OR51A7: variants seen among roughly 807,000 people sequenced by gnomAD.
OR51A7 encodes olfactory receptor family 51 subfamily A member 7.
For synonymous variants in OR51A7, 143 were observed against 135.5 expected (o/e 1.05, Z -0.38); for missense variants, 409 against 374.5 (o/e 1.09, Z -0.76).
In OR51A7 at chr11:4,907,734, G is replaced by T. The variant is rs770538147; in HGVS notation, c.365G>T (p.Arg122Leu). 19 of 1,613,828 alleles carry T rather than the reference G, an allele frequency of 1.2e-5. 1 individual carries two copies. Among genetic ancestry groups the T allele is most frequent in the Middle Eastern group, 1.6e-4 (1 of 6,062 alleles). ...GTACTTCTAATTATGTCTTTGGACC[G>T]CTTTCTTGCCATTCACAATCCCTTA... is the stretch of plus-strand genomic sequence containing the variant. ...SSVLLIMSLD[R>L]FLAIHNPLRY... Residue 122 changes from arginine (R) to leucine (L), a missense_variant, in exon 2 of 2, where the codon CGC becomes CTC. By Grantham distance (102) the Arg-to-Leu change is moderately radical. Transcript: ENST00000641490.
At chr11:4,907,115 A>AAAG (rs1554890101) in intron 1 of OR51A7, among the ~76,000 whole-genome samples, 3 of 144,816 alleles carry the variant, frequency 2.1e-5, no homozygotes, top group African/African-American at 7.7e-5. Flanking sequence ...AAAAAAAAAA[A>AAAG]TCCTAAAAAT....
chr11:4,906,073 A>G (rs1850883604), intron 1 of OR51A7, among the ~76,000 whole-genome samples: 3 of 152,214 alleles, frequency 2.0e-5, no homozygotes, highest in Non-Finnish European at 4.4e-5. Context: ...CATGAACACA[A>G]TACTACTGTA....
Position 4,907,948 on chromosome 11 carries a change from G to A in OR51A7, c.579G>A (p.Lys193=). ...DTMKLACSDN[K]TNVIYGFFIA... ...TGAAGCTGGCCTGCTCTGACAACAA[G>A]ACCAATGTCATCTATGGCTTCTTCA... Residue 193 remains lysine (K), a synonymous_variant, in exon 2 of 2, where the codon AAG becomes AAA. Transcript: ENST00000641490. The A allele has an allele frequency of 6.2e-7, 1 of 1,614,106 alleles. No homozygotes were observed. Among genetic ancestry groups the A allele is most frequent in the Non-Finnish European group, 8.5e-7 (1 of 1,180,002 alleles).
intron 1 of OR51A7, among the ~76,000 whole-genome samples, chr11:4,905,453 C>T (rs1368661494): frequency 1.3e-5 from 2 of 152,116 alleles, no homozygotes; most frequent in Non-Finnish European, 2.9e-5. Flanking sequence ...TCACAAAATA[C>T]AGTATGAATT....
chr11:4,906,478 T>C (rs1007825917), intron 1 of OR51A7, among the ~76,000 whole-genome samples: 35 of 152,264 alleles, frequency 2.3e-4, no homozygotes, highest in African/African-American at 7.5e-4. Context: ...TAACACTTGA[T>C]GTAACATGTA....
intron 1 of OR51A7, among the ~76,000 whole-genome samples, chr11:4,904,703 G>A (rs10500632): frequency 0.084 from 12,822 of 151,988 alleles, 673 homozygotes; most frequent in Non-Finnish European, 0.12. Flanking sequence ...TGACTTTACC[G>A]CTTAAAATAT....
intron 1 of OR51A7, among the ~76,000 whole-genome samples, chr11:4,906,114 G>A (rs1289699836): frequency 6.6e-6 from 1 of 152,130 alleles, no homozygotes; most frequent in Non-Finnish European, 1.5e-5. Flanking sequence ...AAATAAAATG[G>A]TAGCCTGAAG....
intron 1 of OR51A7, 76 bp from the exon 2 acceptor site, chr11:4,907,263 T>C (rs761619211): frequency 5.9e-6 from 4 of 679,916 alleles, no homozygotes; most frequent in Admixed American, 2.7e-5. Flanking sequence ...GAGTATAGTA[T>C]ACGAATGAAC....
Position 4,907,394 on chromosome 11 carries a change from G to A in OR51A7, c.25G>A (p.Val9Ile), listed in dbSNP as rs761489530. 2 of 1,613,558 alleles carry A rather than the reference G, an allele frequency of 1.2e-6. No individual in the cohort carries two copies. The highest frequency in any genetic ancestry group is 2.2e-5 in the East Asian group (1 of 44,804). Residue 9 changes from valine (V) to isoleucine (I), a missense_variant, in exon 2 of 2, where the codon GTC becomes ATC. Coordinates refer to ENST00000641490, the MANE Select transcript of OR51A7 (RefSeq NM_001004749.2). MSVLNNSE[V>I]KLFLLIGIPG... Reference sequence around the variant, plus strand: ...TATGTCTGTTCTCAATAACTCCGAAGTCAAGCTTTTCCTTCTGATTGGGAT... The same window carrying A: ...TATGTCTGTTCTCAATAACTCCGAAATCAAGCTTTTCCTTCTGATTGGGAT...
Position 4,908,096 on chromosome 11 carries a change from C to G in OR51A7, c.727C>G (p.His243Asp), listed in dbSNP as rs775862006. 1 of 1,614,094 alleles carries G rather than the reference C, an allele frequency of 6.2e-7. No individual in the cohort carries two copies. ...TAAGGCCCTAAATACCTGTGTCTCC[C>G]ACATCTGTGCTGTGCTCACCTTCTA... ...RLKALNTCVS[H>D]ICAVLTFYVP... The change falls in exon 2 of 2, where the codon CAC becomes GAC. Residue 243 changes from histidine to aspartate, a missense_variant. Physicochemically the swap from His to Asp is moderately conservative, Grantham distance 81. Transcript: ENST00000641490.
intron 1 of OR51A7, 29 bp from the exon 2 acceptor site, chr11:4,907,310 A>G: frequency 8.3e-7 from 1 of 1,199,016 alleles, no homozygotes; most frequent in Non-Finnish European, 1.2e-6. Context: ...AACCAAAAGC[A>G]TGACTGCTTT....
Position 4,907,466 on chromosome 11 carries a change from CT to C in OR51A7, c.98del (p.Leu33ProfsTer17), listed in dbSNP as rs1328073449. On this transcript the variant is annotated frameshift_variant, in exon 2 of 2. Coordinates refer to ENST00000641490, the MANE Select transcript of OR51A7 (RefSeq NM_001004749.2). LOFTEE classifies it low-confidence loss of function (END_TRUNC). ...CATTTGGTTCTCCATCCCCATTTGCCTCATGTACCTGCTTGCCATCATGGGC... is the reference window on the plus strand; with the variant it reads ...CATTTGGTTCTCCATCCCCATTTGCCCATGTACCTGCTTGCCATCATGGGC... ...AHIWFSIPIC[L>X]MYLLAIMGNC... 12 of 1,613,936 alleles carry C rather than the reference CT, an allele frequency of 7.4e-6. No individual in the cohort carries two copies. Among genetic ancestry groups the C allele is most frequent in the Non-Finnish European group, 8.5e-6 (10 of 1,179,914 alleles).
chr11:4,907,103 A>AAAAAAAAAAAAAG (rs1451336779), intron 1 of OR51A7, among the ~76,000 whole-genome samples: 1 of 150,482 alleles, frequency 6.6e-6, no homozygotes, highest in Non-Finnish European at 1.5e-5. Flanking sequence ...TCTAAAAAAA[A>AAAAAAAAAAAAAG]AAAAAAAAAA....
intron 1 of OR51A7, among the ~76,000 whole-genome samples, chr11:4,906,749 AT>A (rs1210949414): frequency 6.6e-6 from 1 of 152,164 alleles, no homozygotes; most frequent in Non-Finnish European, 1.5e-5. Flanking sequence ...CTTTTTACTG[AT>A]TCAAAGCAGC....
intron 1 of OR51A7, among the ~76,000 whole-genome samples, chr11:4,905,629 CT>C (rs1850874853): frequency 6.6e-6 from 1 of 151,946 alleles, no homozygotes; most frequent in Admixed American, 6.6e-5. Flanking sequence ...CTACCTTCAT[CT>C]TTTGTATTTT....
chr11:4,907,751 AATCCCTTAAG>A lies in OR51A7; in HGVS notation c.385_394del (p.Pro129ThrfsTer17), dbSNP rs1334346591. On this transcript the variant is annotated frameshift_variant, in exon 2 of 2. Transcript: ENST00000641490. LOFTEE classifies it low-confidence loss of function (END_TRUNC). ...TTTGGACCGCTTTCTTGCCATTCAC[AATCCCTTAAG>A]ATACAGTTCTATCCTCACTAGCAAC... 2 of 1,614,024 alleles carry A rather than the reference AATCCCTTAAG, an allele frequency of 1.2e-6. No individual in the cohort carries two copies. Among genetic ancestry groups the A allele is most frequent in the Non-Finnish European group, 1.7e-6 (2 of 1,180,018 alleles).
In OR51A7 at chr11:4,908,476, A is replaced by G; in HGVS notation, c.*168A>G. On this transcript the variant is annotated 3_prime_UTR_variant, in exon 2 of 2. Coordinates refer to ENST00000641490, the MANE Select transcript of OR51A7 (RefSeq NM_001004749.2). ...GAGAATATAACTGAACAGGATAGAA[A>G]AAAAAGTCAAGAGATATATAAGATA... The G allele has an allele frequency of 1.5e-6, 1 of 663,298 alleles. No homozygotes were observed. Among genetic ancestry groups the G allele is most frequent in the South Asian group, 1.7e-5 (1 of 57,258 alleles). The allele number at this position is 663,298 out of a possible 1,614,324, so 41.1% of individuals were successfully genotyped here. A position where few individuals can be genotyped will look rare whatever the true frequency, so the allele number is the denominator to read the frequency against.
At chr11:4,907,095 T>TAAAAAAAAAAAAAAAAAAAAAAAAAAAAA (rs3065178) in intron 1 of OR51A7, among the ~76,000 whole-genome samples, 1 of 55,126 alleles carries the variant, frequency 1.8e-5, no homozygotes, top group African/African-American at 6.5e-5. Flanking sequence ...AAACTCCCTC[T>TAAAAAAAAAAAAAAAAAAAAAAAAAAAAA]AAAAAAAAAA....
At position 4,907,531 on chromosome 11, in the gene OR51A7, G is replaced by C; in HGVS notation, c.162G>C (p.Ser54=). 2 of 1,613,992 alleles carry C rather than the reference G, an allele frequency of 1.2e-6. No homozygotes were observed. Among genetic ancestry groups the C allele is most frequent in the Non-Finnish European group, 1.7e-6 (2 of 1,180,004 alleles). ...TILFIIKTEP[S]LHEPMYYFLA... is the part of the protein sequence containing the mutation. ...TCTTTATTATAAAGACAGAGCCCTCGCTTCATGAGCCCATGTATTATTTCC... is the reference window on the plus strand; with the variant it reads ...TCTTTATTATAAAGACAGAGCCCTCCCTTCATGAGCCCATGTATTATTTCC... The change falls in exon 2 of 2, where the codon TCG becomes TCC. Residue 54 remains serine (S), a synonymous_variant. Transcript: ENST00000641490.
Sources: gnomAD v4.1 joint callset for allele counts (sites outside exome capture counted in the v4.1 genomes callset) on GRCh38, gnomAD v4.1.1 for gene constraint, MANE v1.5 for transcripts, NCBI Gene and HGNC (gene_info 2026-07-23, HGNC 2026-07-21) for gene names.